Variants in EIF4G3 observed in about 807,000 individuals in gnomAD.
The protein encoded by EIF4G3 is eIF-4-gamma 3.
In EIF4G3, 34 loss-of-function variants were observed where a neutral mutation model predicts 186.4. The ratio of observed to expected loss-of-function variants is 0.18; its 90% CI spans 0.14 to 0.24. The LOEUF (loss-of-function observed/expected upper bound fraction) is 0.24. Ranked by LOEUF, EIF4G3 falls within the 10% of genes least tolerant of loss-of-function variation. The probability of loss-of-function intolerance (pLI) is 1.00; values close to 1 mark genes in which losing one functional copy is unlikely to be tolerated. For synonymous variants in EIF4G3, 673 were observed against 679.5 expected (o/e 0.99, Z 0.15); for missense variants, 1,536 against 1,948.5 (o/e 0.79, Z 3.99).
intron 14 of EIF4G3, among the ~76,000 whole-genome samples, chr1:20,917,206 A>T (rs965180138): frequency 6.6e-6 from 1 of 152,250 alleles, no homozygotes; most frequent in Non-Finnish European, 1.5e-5. Flanking sequence ...GAATGAAAGA[A>T]GCCAGTCAGG....
intron 2 of EIF4G3, among the ~76,000 whole-genome samples, chr1:21,091,543 G>C (rs1488913998): frequency 6.6e-6 from 1 of 151,998 alleles, no homozygotes; most frequent in Non-Finnish European, 1.5e-5. Flanking sequence ...AAACAAGCCA[G>C]CTCCAGCCTA....
chr1:20,879,020 G>A (rs1005946885), intron 20 of EIF4G3, among the ~76,000 whole-genome samples: 5 of 152,154 alleles, frequency 3.3e-5, no homozygotes, highest in Middle Eastern at 3.4e-3. Context: ...AGAGACACAC[G>A]GGAAAAATTT....
intron 30 of EIF4G3, among the ~76,000 whole-genome samples, chr1:20,832,128 A>T (rs879636878): frequency 6.2e-4 from 92 of 147,748 alleles, no homozygotes; most frequent in Non-Finnish European, 1.2e-3. Flanking sequence ...ATACCCAGTA[A>T]TGGGATGGCT....
At chr1:21,060,766 A>G (rs1437829622) in intron 3 of EIF4G3, among the ~76,000 whole-genome samples, 1 of 147,832 alleles carries the variant, frequency 6.8e-6, no homozygotes, top group Non-Finnish European at 1.5e-5. Context: ...CAACACAGCA[A>G]GATCCTGTCT....
At chr1:21,007,092 C>A (rs141786197) in intron 4 of EIF4G3, among the ~76,000 whole-genome samples, 1 of 152,022 alleles carries the variant, frequency 6.6e-6, no homozygotes, top group African/African-American at 2.4e-5. Flanking sequence ...AACTAAGCTG[C>A]CAAATTTTCA....
intron 15 of EIF4G3, among the ~76,000 whole-genome samples, chr1:20,902,220 C>T (rs563594596): frequency 3.9e-5 from 6 of 152,058 alleles, no homozygotes; most frequent in African/African-American, 7.2e-5. Flanking sequence ...CACACTACTA[C>T]GCCTGGCTAA....
intron 33 of EIF4G3, among the ~76,000 whole-genome samples, chr1:20,824,578 T>A (rs1033820161): frequency 2.0e-5 from 3 of 152,204 alleles, no homozygotes; most frequent in African/African-American, 7.2e-5. Flanking sequence ...ATTATACTGA[T>A]CATGGGGTCT....
chr1:20,999,960 C>T (rs996738430), intron 6 of EIF4G3, among the ~76,000 whole-genome samples: 8 of 152,036 alleles, frequency 5.3e-5, no homozygotes, highest in African/African-American at 1.9e-4. Flanking sequence ...TTACTCACCC[C>T]TTCTGGGCAC....
chr1:21,018,992 T>C lies in EIF4G3; in HGVS notation c.-66-16184A>G, dbSNP rs148849385. On this transcript the variant is annotated intron_variant, in intron 4 of 36. Coordinates refer to ENST00000602326, the MANE Select transcript of EIF4G3 (RefSeq NM_001391906.1). The stretch of plus-strand genomic sequence containing the variant: ...TTTATAGCAAATGATCTCAGAAAGA[T>C]GGTAAATTTTGTGTATTTTACCACA... Among the ~76,000 whole-genome samples, 358 of 152,158 alleles carry C rather than the reference T, an allele frequency of 2.4e-3. 2 individuals carry two copies. Among genetic ancestry groups the C allele is most frequent in the Non-Finnish European group, 3.7e-3 (252 of 67,994 alleles).
In EIF4G3 at chr1:20,882,672, T is replaced by C. The variant is rs150705691; in HGVS notation, c.2425-3152A>G. Among the ~76,000 whole-genome samples the C allele has an allele frequency of 1.1e-4, 17 of 151,522 alleles. No individual in the cohort carries two copies. The East Asian group carries it at 3.3e-3, about 29-fold the overall frequency. ...AAATTAACAAATTAGCCAGGTATAG[T>C]GGTCCATGCCTATAGTCCCAGCTAC... On this transcript the variant is annotated intron_variant, in intron 19 of 36. Transcript: ENST00000602326.
chr1:21,034,992 C>T (rs887756153), intron 4 of EIF4G3, among the ~76,000 whole-genome samples: 106 of 152,216 alleles, frequency 7.0e-4, no homozygotes, highest in African/African-American at 2.5e-3. Flanking sequence ...GATGCCAGTC[C>T]AGGCCCGGTG....
chr1:20,983,554 T>A lies in EIF4G3; in HGVS notation c.178-1146A>T, dbSNP rs201439297. ...GTAAACAACACTTCAGGAACAAACT[T>A]AAGTATTTTTATAATGTAGTTAATA... is the stretch of plus-strand genomic sequence containing the variant. On this transcript the variant is annotated intron_variant, in intron 7 of 36. Transcript: ENST00000602326. 5.4e-3 allele frequency among the ~76,000 whole-genome samples: 818 copies of A among 152,058 alleles called. 11 individuals carry two copies. The highest frequency in any genetic ancestry group is 0.024 in the East Asian group (124 of 5,164).
intron 12 of EIF4G3, among the ~76,000 whole-genome samples, chr1:20,958,901 T>G (rs2096502579): frequency 6.6e-6 from 1 of 151,978 alleles, no homozygotes; most frequent in Non-Finnish European, 1.5e-5. Flanking sequence ...AAATCACAGA[T>G]GACACAAACA....
At chr1:20,979,696 CTAAA>C (rs763856746) in intron 10 of EIF4G3, among the ~76,000 whole-genome samples, 1 of 152,018 alleles carries the variant, frequency 6.6e-6, no homozygotes, top group Non-Finnish European at 1.5e-5. Flanking sequence ...ATGTCATTAA[CTAAA>C]TATATTTCTA....
In EIF4G3 at chr1:21,053,229, C is replaced by A. The variant is rs1468726174; in HGVS notation, c.-195-2235G>T. On this transcript the variant is annotated intron_variant, in intron 3 of 36. Coordinates refer to ENST00000602326, the MANE Select transcript of EIF4G3 (RefSeq NM_001391906.1). ...GATGTGAGGAGCGTCTCTGCCCGGC[C>A]GCCCCGTCTGAGAAGTGAGGAGACC... 1.2e-4 allele frequency among the ~76,000 whole-genome samples: 18 copies of A among 151,182 alleles called. No homozygotes were observed. In the East Asian group the frequency reaches 3.5e-3, roughly 30 times the overall value.
chr1:20,969,655 G>C, intron 11 of EIF4G3, 59 bp from the exon 12 acceptor site: 1 of 1,552,306 alleles, frequency 6.4e-7, no homozygotes. Flanking sequence ...CAAATTTATA[G>C]GCATATAAGT....
rs2095159567 is a variant in EIF4G3, at chr1:20,929,306, T to TA, written c.1663+12184_1663+12185insT. Reference sequence around the variant, plus strand: ...TTCCTTCACTGTTCTAAGGAGGCCTTCTCCTTTACCAATCACAGCAGAGGT... The same window carrying TA: ...TTCCTTCACTGTTCTAAGGAGGCCTTACTCCTTTACCAATCACAGCAGAGGT... On this transcript the variant is annotated intron_variant, in intron 14 of 36. Coordinates refer to ENST00000602326, the MANE Select transcript of EIF4G3 (RefSeq NM_001391906.1). 2.0e-5 allele frequency: 3 copies of TA among 152,280 alleles called. No individual in the cohort carries two copies. In the South Asian group the frequency reaches 6.2e-4, roughly 32 times the overall value. The allele number at this position is 152,280 out of a possible 1,614,324, so 9.4% of individuals were successfully genotyped here. A position where few individuals can be genotyped will look rare whatever the true frequency, so the allele number is the denominator to read the frequency against.
intron 4 of EIF4G3, among the ~76,000 whole-genome samples, chr1:21,003,084 C>T (rs2083979929): frequency 6.6e-6 from 1 of 150,554 alleles, no homozygotes; most frequent in Non-Finnish European, 1.5e-5. Context: ...CAGCCTCAAA[C>T]TCATGGTTTT....
Position 20,851,509 on chromosome 1 carries a change from A to G in EIF4G3, c.3552-31T>C, listed in dbSNP as rs191010983. 92 of 1,605,336 alleles carry G rather than the reference A, an allele frequency of 5.7e-5. No individual in the cohort carries two copies. The Admixed American group carries it at 1.2e-3, about 21-fold the overall frequency. ...AAGACAAAACAACACTTTTCAAAGG[A>G]AAGACAAGCCCATGTCCCCCACATA... On this transcript the variant is annotated intron_variant, in intron 27 of 36. Transcript: ENST00000602326.
Sources: allele counts gnomAD v4.1 joint callset (sites outside exome capture counted in the v4.1 genomes callset), GRCh38; gene constraint gnomAD v4.1.1; transcripts MANE v1.5; gene names NCBI Gene and HGNC (gene_info 2026-07-23, HGNC 2026-07-21).